The following CLCF1 variants were observed in gnomAD, a reference collection of about 807,000 sequenced individuals.
CLCF1 encodes cardiotrophin like cytokine factor 1, also known as cardiotrophin-like cytokine factor 1.
In CLCF1, 10 loss-of-function variants were observed where a neutral mutation model predicts 21.2. The ratio of observed to expected loss-of-function variants is 0.47; its 90% CI spans 0.29 to 0.80. The LOEUF (loss-of-function observed/expected upper bound fraction) is 0.80. CLCF1 is among the 30% of genes least tolerant of loss of function. The pLI is 0.09. For synonymous variants in CLCF1, 115 were observed against 120.5 expected, an observed-to-expected ratio of 0.95 and a Z score of 0.30; for missense variants, 240 against 293.4, an observed-to-expected ratio of 0.82 and a Z score of 1.33.
At chr11:67,374,003 T>G, upstream of CLCF1, 1 of 847,754 alleles carries the variant, frequency 1.2e-6, no homozygotes, top group Non-Finnish European at 1.3e-6. Flanking sequence ...CACCGCCCCC[T>G]GCCCCCTGTC....
intron 1 of CLCF1, chr11:67,369,865 C>T: frequency 1.0e-6 from 1 of 985,452 alleles, no homozygotes; most frequent in Non-Finnish European, 1.2e-6. Context: ...AGATCAGCTC[C>T]CTACACAGGG....
At chr11:67,373,614 C>A, upstream of CLCF1, 1 of 1,279,198 alleles carries the variant, frequency 7.8e-7, no homozygotes, top group African/African-American at 1.6e-5. Flanking sequence ...GCCGCGGCTC[C>A]GGCGAAGCTT....
chr11:67,371,579 G>T (rs1285699776), intron 1 of CLCF1, among the ~76,000 whole-genome samples: 2 of 152,180 alleles, frequency 1.3e-5, no homozygotes, highest in Non-Finnish European at 2.9e-5. Flanking sequence ...GGAGTGAGAG[G>T]GTTCCTGATT....
chr11:67,367,873 T>C, intron 1 of CLCF1: 1 of 985,412 alleles, frequency 1.0e-6, no homozygotes, highest in Non-Finnish European at 1.2e-6. Context: ...TACTTGAGAA[T>C]GGATCTGTGT....
chr11:67,367,740 G>T, intron 1 of CLCF1, 114 bp from the exon 2 acceptor site: 2 of 1,523,864 alleles, frequency 1.3e-6, no homozygotes, highest in Non-Finnish European at 1.8e-6. Context: ...GTGAGGGTGG[G>T]ACACCAGATG....
At chr11:67,373,420 C>G in intron 1 of CLCF1, 104 bp downstream of exon 1, 1 of 601,044 alleles carries the variant, frequency 1.7e-6, no homozygotes, top group Non-Finnish European at 2.7e-6. Flanking sequence ...AGCTCCCTGG[C>G]CCGGCCCCGG....
At chr11:67,373,997 G>T, upstream of CLCF1, 3 of 853,024 alleles carry the variant, frequency 3.5e-6, no homozygotes, top group Non-Finnish European at 3.9e-6. Flanking sequence ...CTGGGACACC[G>T]CCCCCTGCCC....
intron 1 of CLCF1, chr11:67,371,085 G>A (rs1411502714): frequency 2.4e-5 from 24 of 985,234 alleles, no homozygotes; most frequent in Admixed American, 1.2e-4. Context: ...TAGGGATGGA[G>A]TGGGTGAGGT....
Position 67,364,653 on chromosome 11 carries a change from CATGT to C in CLCF1, c.*479_*482del, listed in dbSNP as rs1320721657. The C allele has an allele frequency of 5.6e-6, 1 of 178,304 alleles. No individual in the cohort carries two copies. Among genetic ancestry groups the C allele is most frequent in the East Asian group, 1.6e-4 (1 of 6,436 alleles). 11.0% of individuals were successfully genotyped at this position (178,304 alleles called of 1,614,324 possible). A position where few individuals can be genotyped will look rare whatever the true frequency, so the allele number is the denominator to read the frequency against. ...ATCTCTTTTTGTGTAGAATTGCCAC[CATGT>C]TTGTTTCCTGAATTGGATGTATAGA... On this transcript the variant is annotated 3_prime_UTR_variant, in exon 3 of 3. Transcript: ENST00000312438.
chr11:67,367,918 G>A, intron 1 of CLCF1: 1 of 985,444 alleles, frequency 1.0e-6, no homozygotes, highest in Non-Finnish European at 1.2e-6. Context: ...GTGTGCCACT[G>A]TGTGTGTGCC....
At chr11:67,370,791 C>T (rs1862215060) in intron 1 of CLCF1, 1 of 985,272 alleles carries the variant, frequency 1.0e-6, no homozygotes, top group South Asian at 4.7e-5. Context: ...GAGAGTTCAG[C>T]CATGCAGATG....
chr11:67,367,954 G>A (rs1862151737), intron 1 of CLCF1: 1 of 984,730 alleles, frequency 1.0e-6, no homozygotes, highest in Non-Finnish European at 1.2e-6. Flanking sequence ...GTACATGGAG[G>A]GACGGGGCCA....
chr11:67,365,293 G>A lies in CLCF1; in HGVS notation c.521C>T (p.Ala174Val). The A allele has an allele frequency of 6.2e-7, 1 of 1,613,904 alleles. No individual in the cohort carries two copies. Among genetic ancestry groups the A allele is most frequent in the Non-Finnish European group, 8.5e-7 (1 of 1,180,044 alleles). ...CATCTTCTGGAGGAAGTCACTGTGG[G>A]CAGGGCCAGGAGTCCAAGTGGGTTC... The part of the protein sequence containing the change: ...GTEPTWTPGP[A>V]HSDFLQKMDD... Residue 174 changes from alanine (A) to valine (V), a missense_variant, in exon 3 of 3, where the codon GCC becomes GTC. Coordinates refer to ENST00000312438, the MANE Select transcript of CLCF1 (RefSeq NM_013246.3). The surrounding 1 kb of genome is among the most constrained non-coding windows in gnomAD (Gnocchi z 5.0).
rs1374410848 is a variant in CLCF1, at chr11:67,372,309, CAG to C, written c.16+1213_16+1214del. Among the ~76,000 whole-genome samples the C allele has an allele frequency of 6.6e-6, 1 of 151,940 alleles. No homozygotes were observed. The highest frequency in any genetic ancestry group is 2.4e-5 in the African/African-American group (1 of 41,374). On this transcript the variant is annotated intron_variant, in intron 1 of 2. Transcript: ENST00000312438. The surrounding 1 kb of genome is among the most constrained non-coding windows in gnomAD (Gnocchi z 5.9). ...AGGGCCAGGCTGGGAGCTGGGGGAA[CAG>C]GGGTCCTCTGGGATTGGGAGGGTCT...
At chr11:67,366,214 G>C (rs188103767) in intron 2 of CLCF1, among the ~76,000 whole-genome samples, 6 of 152,304 alleles carry the variant, frequency 3.9e-5, no homozygotes, top group Non-Finnish European at 5.9e-5. Context: ...AGAGGAAGTG[G>C]AGGCAGAGGG....
At chr11:67,370,642 T>A (rs1240983197) in intron 1 of CLCF1, 2 of 979,336 alleles carry the variant, frequency 2.0e-6, no homozygotes, top group African/African-American at 3.8e-5. Context: ...TCTCTCTCTC[T>A]TAGCCCAAGG....
In CLCF1 at chr11:67,372,502, G is replaced by A. The variant is rs1399795006; in HGVS notation, c.16+1022C>T. ...CGGCGGTTGCCAGCTGGCCCTCCCT[G>A]CTGGCGGTGACCTCTCGCTCTGGGA... On this transcript the variant is annotated intron_variant, in intron 1 of 2. Coordinates refer to ENST00000312438, the MANE Select transcript of CLCF1 (RefSeq NM_013246.3). This position sits in a 1 kb window ranked among gnomAD's most constrained non-coding sequence, Gnocchi z 5.9. 1.3e-5 allele frequency among the ~76,000 whole-genome samples: 2 copies of A among 151,916 alleles called. No homozygotes were observed. Among genetic ancestry groups the A allele is most frequent in the Non-Finnish European group, 2.9e-5 (2 of 67,906 alleles).
At chr11:67,371,746 G>A (rs1438831822) in intron 1 of CLCF1, among the ~76,000 whole-genome samples, 2 of 151,898 alleles carry the variant, frequency 1.3e-5, no homozygotes, top group Non-Finnish European at 2.9e-5. Flanking sequence ...CAAGAGGGGC[G>A]TGGGGGGGGA....
chr11:67,370,623 C>T (rs1218283351), intron 1 of CLCF1: 20 of 985,048 alleles, frequency 2.0e-5, no homozygotes, highest in Non-Finnish European at 2.4e-5. Flanking sequence ...CACACACACA[C>T]ACACACACTC....
Sources: allele counts gnomAD v4.1 joint callset (sites outside exome capture counted in the v4.1 genomes callset), GRCh38; gene constraint gnomAD v4.1.1; non-coding constraint Gnocchi (gnomAD v3.1); transcripts MANE v1.5; gene names NCBI Gene and HGNC (gene_info 2026-07-23, HGNC 2026-07-21).